DLK1: variants seen among roughly 807,000 people sequenced by gnomAD.
DLK1 encodes protein delta homolog 1.
In DLK1, 9 loss-of-function variants were observed where a neutral mutation model predicts 35.2. The observed-to-expected ratio is 0.26, with a 90% CI of 0.15 to 0.45. The LOEUF is 0.45. Ranked by LOEUF, DLK1 falls within the 20% of genes least tolerant of loss-of-function variation. The probability of loss-of-function intolerance (pLI) is 1.00; values close to 1 mark genes in which losing one functional copy is unlikely to be tolerated. For synonymous variants in DLK1, 231 were observed against 228.4 expected, an observed-to-expected ratio of 1.01 and a Z score of -0.10; for missense variants, 522 against 528.5, an observed-to-expected ratio of 0.99 and a Z score of 0.12.
Position 100,731,515 on chromosome 14 carries a change from T to C in DLK1, c.263-527T>C, listed in dbSNP as rs572464981. On this transcript the variant is annotated intron_variant, in intron 3 of 4. Transcript: ENST00000341267. ...TGGGGTTAACAGGTTTCTTGATTCC[T>C]GACGGAGGGGGGTCGTTACATCTCC... 1.0e-3 allele frequency among the ~76,000 whole-genome samples: 159 copies of C among 152,298 alleles called. 1 individual carries two copies. The highest frequency in any genetic ancestry group is 3.7e-3 in the African/African-American group (154 of 41,564).
At chr14:100,727,351 C>A (rs1371951893) in intron 1 of DLK1, among the ~76,000 whole-genome samples, 1 of 152,208 alleles carries the variant, frequency 6.6e-6, no homozygotes, top group East Asian at 1.9e-4. Flanking sequence ...GTGTGAGACC[C>A]CCAGCCCCTT....
At position 100,734,450 on chromosome 14, in the gene DLK1, A is replaced by G. The variant is rs368151777; in HGVS notation, c.706A>G (p.Lys236Glu). ...CCAGGTGAGCTACGAGTGTCTGTGC[A>G]AGCCCGAGTTCACAGGTCTCACCTG... is the stretch of plus-strand genomic sequence containing the variant. Reference protein sequence around the residue: ...HTQVSYECLCKPEFTGLTCVK... With the variant: ...HTQVSYECLCEPEFTGLTCVK... The change falls in exon 5 of 5, where the codon AAG becomes GAG. Residue 236 changes from lysine (K) to glutamate (E), a missense_variant. By Grantham distance (56) the Lys-to-Glu change is moderately conservative. Transcript: ENST00000341267. The surrounding 1 kb of genome is among the most constrained non-coding windows in gnomAD (Gnocchi z 7.4). 3.0e-4 allele frequency: 490 copies of G among 1,612,002 alleles called. No individual in the cohort carries two copies. Among genetic ancestry groups the G allele is most frequent in the Non-Finnish European group, 4.0e-4 (477 of 1,179,158 alleles).
chr14:100,728,601 G>A, intron 2 of DLK1, 142 bp downstream of exon 2: 2 of 412,658 alleles, frequency 4.8e-6, no homozygotes, highest in South Asian at 2.1e-5. Context: ...AACTGGTGGG[G>A]CGAGCTGGGG....
intron 4 of DLK1, among the ~76,000 whole-genome samples, 185 bp from the exon 5 acceptor site, chr14:100,733,964 G>A (rs1274532966): frequency 2.1e-5 from 3 of 142,296 alleles, no homozygotes; most frequent in South Asian, 2.2e-4. Flanking sequence ...CAGGGGTCAC[G>A]GCCCCGGGCA....
At position 100,734,584 on chromosome 14, in the gene DLK1, G is replaced by A. The variant is rs35339877; in HGVS notation, c.840G>A (p.Pro280=). The A allele has an allele frequency of 5.1e-3, 8,308 of 1,613,646 alleles. 394 individuals are homozygous for A. The African/African-American group carries it at 0.095, about 18-fold the overall frequency. The change falls in exon 5 of 5, where the codon CCG becomes CCA. Residue 280 remains proline (P), a synonymous_variant. Coordinates refer to ENST00000341267, the MANE Select transcript of DLK1 (RefSeq NM_003836.7). This position sits in a 1 kb window ranked among gnomAD's most constrained non-coding sequence, Gnocchi z 7.4. ...TGCACGAGCTGCCGGTGCAGCAGCC[G>A]GAGCACCGCATCCTGAAGGTGTCCA... ...PGVHELPVQQ[P]EHRILKVSMK...
rs746155706 is a variant in DLK1, at chr14:100,734,825, G to A, written c.1081G>A (p.Val361Ile). The A allele has an allele frequency of 1.1e-5, 17 of 1,613,156 alleles. No individual in the cohort carries two copies. Among genetic ancestry groups the A allele is most frequent in the East Asian group, 4.5e-5 (2 of 44,894 alleles). The change falls in exon 5 of 5, where the codon GTC (valine) becomes ATC (isoleucine). Residue 361 changes from valine to isoleucine, a missense_variant. Transcript: ENST00000341267. This position sits in a 1 kb window ranked among gnomAD's most constrained non-coding sequence, Gnocchi z 7.4. ...GTACAACAGCGGGGAGGACCTGGCC[G>A]TCAACATCATCTTCCCCGAGAAGAT... ...LQYNSGEDLAVNIIFPEKIDM... is the reference protein window; with the variant it reads ...LQYNSGEDLAINIIFPEKIDM...
chr14:100,732,249 C>T, intron 4 of DLK1, 66 bp downstream of exon 4: 1 of 1,563,298 alleles, frequency 6.4e-7, no homozygotes, highest in East Asian at 2.3e-5. Context: ...AAGACCCTTT[C>T]AGCCTAACCC....
Position 100,734,008 on chromosome 14 carries a change from C to T in DLK1, c.405-141C>T, listed in dbSNP as rs1050512874. The T allele has an allele frequency of 2.9e-5, 33 of 1,126,310 alleles. No individual in the cohort carries two copies. The Admixed American group carries it at 4.9e-4, about 17-fold the overall frequency. 69.8% of individuals were successfully genotyped at this position (1,126,310 alleles called of 1,614,324 possible). On this transcript the variant is annotated intron_variant, in intron 4 of 4. Coordinates refer to ENST00000341267, the MANE Select transcript of DLK1 (RefSeq NM_003836.7). The surrounding 1 kb of genome is among the most constrained non-coding windows in gnomAD (Gnocchi z 7.4). ...TGCCTCCCTGGCTGGCGTTCCCTCCCTCGCTCCCTCATTCACCTGATGTGT... is the reference window on the plus strand; with the variant it reads ...TGCCTCCCTGGCTGGCGTTCCCTCCTTCGCTCCCTCATTCACCTGATGTGT...
intron 1 of DLK1, 74 bp from the exon 2 acceptor site, chr14:100,728,322 G>A: frequency 1.3e-6 from 2 of 1,561,234 alleles, no homozygotes; most frequent in Non-Finnish European, 1.8e-6. Flanking sequence ...GTGGTGGGCT[G>A]TGTGGGCGAA....
At position 100,736,029 on chromosome 14, in the gene DLK1, C is replaced by G. The variant is rs1042018118; in HGVS notation, c.*1133C>G. Reference sequence around the variant, plus strand: ...TTTCACAGGGATTAGTGGAAATTGTCACTTGTGGGGCGCTTACTAGTTTTG... The same window carrying G: ...TTTCACAGGGATTAGTGGAAATTGTGACTTGTGGGGCGCTTACTAGTTTTG... On this transcript the variant is annotated 3_prime_UTR_variant, in exon 5 of 5. Transcript: ENST00000341267. The G allele has an allele frequency of 6.6e-6, 1 of 152,190 alleles. No homozygotes were observed. The highest frequency in any genetic ancestry group is 2.4e-5 in the African/African-American group (1 of 41,432). The allele number at this position is 152,190 out of a possible 1,614,324, so 9.4% of individuals were successfully genotyped here. A position where few individuals can be genotyped will look rare whatever the true frequency, so the allele number is the denominator to read the frequency against.
At chr14:100,731,564 A>G (rs2036507401) in intron 3 of DLK1, among the ~76,000 whole-genome samples, 1 of 151,892 alleles carries the variant, frequency 6.6e-6, no homozygotes, top group African/African-American at 2.4e-5. Context: ...CCCCTCTTTG[A>G]TGGAAAAGTA....
rs773686798 is a variant in DLK1, at chr14:100,734,849, A to T, written c.1105A>T (p.Ile369Phe). 1 of 1,608,610 alleles carries T rather than the reference A, an allele frequency of 6.2e-7. No individual in the cohort carries two copies. Among genetic ancestry groups the T allele is most frequent in the Admixed American group, 1.7e-5 (1 of 59,594 alleles). Reference sequence around the variant, plus strand: ...CGTCAACATCATCTTCCCCGAGAAGATCGACATGACCACCTTCAGCAAGGA... The same window carrying T: ...CGTCAACATCATCTTCCCCGAGAAGTTCGACATGACCACCTTCAGCAAGGA... ...LAVNIIFPEKIDMTTFSKEAG... is the reference protein window; with the variant it reads ...LAVNIIFPEKFDMTTFSKEAG... The change falls in exon 5 of 5, where the codon ATC becomes TTC. Residue 369 changes from isoleucine to phenylalanine, a missense_variant. By Grantham distance (21) the Ile-to-Phe change is conservative. Transcript: ENST00000341267. This position sits in a 1 kb window ranked among gnomAD's most constrained non-coding sequence, Gnocchi z 7.4.
rs2036545438 is a variant in DLK1 at position 100,734,365 on chromosome 14, C to T, written c.621C>T (p.Arg207=). ...GCTTCATCGACAAGACCTGCAGCCG[C>T]CCGGTGACCAACTGCGCCAGCAGCC... The part of the protein sequence containing the change: ...PAGFIDKTCS[R]PVTNCASSPC... The change falls in exon 5 of 5, where the codon CGC becomes CGT. Residue 207 remains arginine, a synonymous_variant. Coordinates refer to ENST00000341267, the MANE Select transcript of DLK1 (RefSeq NM_003836.7). This position sits in a 1 kb window ranked among gnomAD's most constrained non-coding sequence, Gnocchi z 7.4. The T allele has an allele frequency of 1.2e-6, 2 of 1,612,228 alleles. No homozygotes were observed. Among genetic ancestry groups the T allele is most frequent in the Non-Finnish European group, 1.7e-6 (2 of 1,179,418 alleles).
chr14:100,734,145 G>C lies in DLK1; in HGVS notation c.405-4G>C. The C allele has an allele frequency of 6.3e-7, 1 of 1,595,662 alleles. No individual in the cohort carries two copies. The highest frequency in any genetic ancestry group is 8.5e-7 in the Non-Finnish European group (1 of 1,171,456). ...CCGTTTACTATGTCCCTGTTGTGTT[G>C]CAGCTCCCCCTGCCAGCACGGAGGC... On this transcript the variant is annotated splice_region_variant and splice_polypyrimidine_tract_variant and intron_variant, in intron 4 of 4. Coordinates refer to ENST00000341267, the MANE Select transcript of DLK1 (RefSeq NM_003836.7). This position sits in a 1 kb window ranked among gnomAD's most constrained non-coding sequence, Gnocchi z 7.4.
chr14:100,733,040 T>C (rs1213406256), intron 4 of DLK1, among the ~76,000 whole-genome samples: 2 of 152,172 alleles, frequency 1.3e-5, no homozygotes, highest in Admixed American at 6.5e-5. Context: ...GAGACCCCAG[T>C]AGTCTGTAAG....
intron 3 of DLK1, among the ~76,000 whole-genome samples, chr14:100,731,488 G>A (rs1270165232): frequency 1.3e-5 from 2 of 152,176 alleles, no homozygotes; most frequent in Admixed American, 6.5e-5. Flanking sequence ...ACGTGGTAGT[G>A]CTGGGGTTAA....
Position 100,731,955 on chromosome 14 carries a change from T to TTTTAA in DLK1, c.263-87_263-86insTTTAA, listed in dbSNP as rs1311559226. On this transcript the variant is annotated intron_variant, in intron 3 of 4. Transcript: ENST00000341267. ...TACTCCAGACCCCACTCGGTGGCCA[T>TTTTAA]AGAGCCATTTTAAAGCCCACTGGGG... The TTTTAA allele has an allele frequency of 7.4e-6, 11 of 1,490,444 alleles. No individual in the cohort carries two copies. The Admixed American group carries it at 2.0e-4, about 28-fold the overall frequency. 92.3% of individuals were successfully genotyped at this position (1,490,444 alleles called of 1,614,324 possible).
intron 3 of DLK1, 132 bp from the exon 4 acceptor site, chr14:100,731,910 G>T: frequency 8.6e-7 from 1 of 1,160,924 alleles, no homozygotes; most frequent in Non-Finnish European, 1.1e-6. Context: ...GTTTTTTTGA[G>T]GGGGCTCCCT....
intron 3 of DLK1, 93 bp from the exon 4 acceptor site, chr14:100,731,949 T>C: frequency 6.8e-7 from 1 of 1,464,098 alleles, no homozygotes; most frequent in Non-Finnish European, 9.1e-7. Flanking sequence ...CCCCACTCGG[T>C]GGCCATAGAG....
Sources: allele counts gnomAD v4.1 joint callset (sites outside exome capture counted in the v4.1 genomes callset), GRCh38; gene constraint gnomAD v4.1.1; non-coding constraint Gnocchi (gnomAD v3.1); transcripts MANE v1.5; gene names NCBI Gene and HGNC (gene_info 2026-07-23, HGNC 2026-07-21).